The following DPF3 variants were observed in gnomAD, a reference collection of about 807,000 sequenced individuals.
DPF3 encodes the protein zinc finger protein DPF3.
A neutral mutation model predicts 56.8 loss-of-function variants in DPF3; 18 were observed. That is an observed-to-expected ratio of 0.32 (90% confidence interval 0.22 to 0.47). The LOEUF (loss-of-function observed/expected upper bound fraction) is 0.47. Ranked by LOEUF, DPF3 falls within the 20% of genes least tolerant of loss-of-function variation. The pLI, the probability that DPF3 is intolerant of heterozygous loss-of-function variation, is 1.00. For synonymous variants in DPF3, 188 were observed against 180.2 expected (o/e 1.04, Z -0.35); for missense variants, 403 against 488.8 (o/e 0.82, Z 1.65).
intron 1 of DPF3, among the ~76,000 whole-genome samples, chr14:72,830,338 G>A (rs992806074): frequency 9.2e-5 from 14 of 152,144 alleles, no homozygotes; most frequent in African/African-American, 2.7e-4. Flanking sequence ...TTTAAAGTAC[G>A]CTTTCTTAAA....
chr14:72,661,480 C>G, intron 8 of DPF3: 2 of 985,576 alleles, frequency 2.0e-6, no homozygotes, highest in Non-Finnish European at 2.4e-6. Flanking sequence ...GGGAGGGAAA[C>G]CCAAGAGCAT....
At chr14:72,878,201 G>A (rs1886190306) in intron 1 of DPF3, among the ~76,000 whole-genome samples, 1 of 152,076 alleles carries the variant, frequency 6.6e-6, no homozygotes, top group South Asian at 2.1e-4. Flanking sequence ...TCTTTCTGGT[G>A]GTACCCTCTT....
rs181836257 is a variant in DPF3 at position 72,629,514 on chromosome 14, G to A, written c.984+110C>T. The A allele has an allele frequency of 8.5e-6, 9 of 1,055,686 alleles. No homozygotes were observed. In the Admixed American group the frequency reaches 1.8e-4, roughly 21 times the overall value. The allele number at this position is 1,055,686 out of a possible 1,614,324, so 65.4% of individuals were successfully genotyped here. ...TGGCCAGGTTGCTCCCAAGTGCCAG[G>A]GTAACAGGCCCCAGGGGCCTAGTGA... On this transcript the variant is annotated intron_variant, in intron 9 of 10. Coordinates refer to ENST00000556509, the MANE Select transcript of DPF3 (RefSeq NM_001280542.3).
At chr14:72,784,986 G>C (rs1051409806) in intron 1 of DPF3, among the ~76,000 whole-genome samples, 7 of 150,332 alleles carry the variant, frequency 4.7e-5, no homozygotes, top group African/African-American at 1.7e-4. Context: ...AATGAATATG[G>C]TATGAAAATA....
intron 3 of DPF3, among the ~76,000 whole-genome samples, chr14:72,744,201 A>G (rs1177570508): frequency 6.6e-6 from 1 of 152,210 alleles, no homozygotes; most frequent in African/African-American, 2.4e-5. Flanking sequence ...GGGTGAGGAC[A>G]GCAGGACTGG....
At chr14:72,809,412 G>C (rs1178722663) in intron 1 of DPF3, among the ~76,000 whole-genome samples, 19 of 152,292 alleles carry the variant, frequency 1.2e-4, no homozygotes, top group Admixed American at 1.2e-3. Context: ...AAGGGCATGG[G>C]GGTTACCAGA....
intron 2 of DPF3, among the ~76,000 whole-genome samples, chr14:72,768,376 A>C (rs913092098): frequency 2.6e-5 from 4 of 152,326 alleles, no homozygotes; most frequent in African/African-American, 9.6e-5. Context: ...GGAGGGTAAA[A>C]GGATTTAAAT....
chr14:72,758,113 C>T (rs1299818450), intron 2 of DPF3, among the ~76,000 whole-genome samples: 5 of 152,012 alleles, frequency 3.3e-5, no homozygotes, highest in Non-Finnish European at 5.9e-5. Context: ...TGGAACAATG[C>T]AAATATTTTA....
intron 6 of DPF3, among the ~76,000 whole-genome samples, chr14:72,705,876 G>T (rs140177600): frequency 9.9e-5 from 15 of 152,242 alleles, no homozygotes; most frequent in African/African-American, 3.6e-4. Flanking sequence ...CAAGGTACCA[G>T]CAGCTTCCAG....
intron 1 of DPF3, among the ~76,000 whole-genome samples, chr14:72,847,430 G>A (rs566579341): frequency 6.6e-6 from 1 of 152,216 alleles, no homozygotes; most frequent in Admixed American, 6.5e-5. Context: ...TATAAGCCTT[G>A]ATCTACTTTT....
intron 6 of DPF3, among the ~76,000 whole-genome samples, chr14:72,693,727 C>G (rs1887796299): frequency 1.3e-5 from 2 of 152,206 alleles, no homozygotes; most frequent in African/African-American, 4.8e-5. Flanking sequence ...GTGACTTGCC[C>G]AGGAGCACAC....
intron 1 of DPF3, among the ~76,000 whole-genome samples, chr14:72,832,889 C>A (rs1884117785): frequency 6.6e-6 from 1 of 152,092 alleles, no homozygotes. Flanking sequence ...TTTGAGGGAA[C>A]ACAACCTATC....
At chr14:72,819,397 C>G (rs1444958895) in intron 1 of DPF3, among the ~76,000 whole-genome samples, 1 of 152,068 alleles carries the variant, frequency 6.6e-6, no homozygotes, top group African/African-American at 2.4e-5. Flanking sequence ...GAGACATACA[C>G]AGATGCTCGT....
rs141969205 is a variant in DPF3 at position 72,848,295 on chromosome 14, C to T, written c.32+45762G>A. Reference sequence around the variant, plus strand: ...TCTCCTGCCTCAGCTTCCCAAGTAGCTGGGATTACAAGCATGCACCACCAT... The same window carrying T: ...TCTCCTGCCTCAGCTTCCCAAGTAGTTGGGATTACAAGCATGCACCACCAT... On this transcript the variant is annotated intron_variant, in intron 1 of 10. Transcript: ENST00000556509. Among the ~76,000 whole-genome samples the T allele has an allele frequency of 2.7e-3, 405 of 152,214 alleles. 7 individuals are homozygous for T. Among genetic ancestry groups the T allele is most frequent in the Non-Finnish European group, 1.5e-3 (102 of 68,026 alleles).
chr14:72,846,582 C>T (rs1008043810), intron 1 of DPF3, among the ~76,000 whole-genome samples: 3 of 151,664 alleles, frequency 2.0e-5, no homozygotes, highest in African/African-American at 4.8e-5. Context: ...GTGATCTGCC[C>T]ACCTCGGCCT....
chr14:72,688,291 A>ATGGATGGG (rs1887518194), intron 7 of DPF3, among the ~76,000 whole-genome samples: 1 of 12,004 alleles, frequency 8.3e-5, no homozygotes, highest in African/African-American at 3.4e-4. Context: ...GGGTGGGTGG[A>ATGGATGGG]TGGATGGGTG....
At chr14:72,777,783 C>A (rs984203524) in intron 1 of DPF3, among the ~76,000 whole-genome samples, 1 of 152,136 alleles carries the variant, frequency 6.6e-6, no homozygotes, top group Non-Finnish European at 1.5e-5. Context: ...GCCTCCTCCC[C>A]CTTTGCCTTC....
chr14:72,738,802 G>A lies in DPF3; in HGVS notation c.302-6868C>T, dbSNP rs538049661. Among the ~76,000 whole-genome samples, 8 of 152,226 alleles carry A rather than the reference G, an allele frequency of 5.3e-5. No homozygotes were observed. In the South Asian group the frequency reaches 1.7e-3, roughly 32 times the overall value. ...ACACACAAAAAATGACAAGAATGTG[G>A]AGTGATAGATACATTAACTAGCTTC... On this transcript the variant is annotated intron_variant, in intron 3 of 10. Transcript: ENST00000556509.
At chr14:72,755,329 C>T (rs1335099380) in intron 2 of DPF3, among the ~76,000 whole-genome samples, 5 of 152,166 alleles carry the variant, frequency 3.3e-5, no homozygotes, top group Non-Finnish European at 7.3e-5. Flanking sequence ...AGCCCCAGGC[C>T]ACTCTGCTTG....
Sources: allele counts gnomAD v4.1 joint callset (sites outside exome capture counted in the v4.1 genomes callset), GRCh38; gene constraint gnomAD v4.1.1; transcripts MANE v1.5; gene names NCBI Gene and HGNC (gene_info 2026-07-23, HGNC 2026-07-21).